Variants in CACNA1C observed in about 807,000 individuals in gnomAD.
CACNA1C encodes calcium voltage-gated channel subunit alpha1 C.
CACNA1C carries 30 observed loss-of-function variants against 229.0 expected under a neutral mutation model. That is an observed-to-expected ratio of 0.13 (90% CI 0.10 to 0.18). The LOEUF (loss-of-function observed/expected upper bound fraction) is 0.18. Ranked by LOEUF, CACNA1C falls within the 10% of genes least tolerant of loss-of-function variation. The probability of loss-of-function intolerance (pLI) is 1.00; values close to 1 mark genes in which losing one functional copy is unlikely to be tolerated. For synonymous variants in CACNA1C, 1,114 were observed against 1,132.5 expected (o/e 0.98, Z 0.33); for missense variants, 1,658 against 2,845.0 (o/e 0.58, Z 9.49).
chr12:2,004,414 T>A (rs371488846), intron 1 of CACNA1C: 57 of 1,610,474 alleles, frequency 3.5e-5, no homozygotes, highest in East Asian at 6.7e-5. Context: ...CCAGGCCGCC[T>A]GCCGCCACGG....
rs373996684 is a variant in CACNA1C, at chr12:2,679,495, C to T, written c.5143C>T (p.Arg1715Trp). The change falls in exon 42 of 47, where the codon CGG becomes TGG. Residue 1715 changes from arginine (R) to tryptophan (W), a missense_variant. By Grantham distance (101) the Arg-to-Trp change is moderately radical. This residue lies in a region of CACNA1C where 590 missense variants were observed against 700.8 expected (regional missense o/e 0.84). Coordinates refer to ENST00000399655, the MANE Select transcript of CACNA1C (RefSeq NM_000719.7). The surrounding 1 kb of genome is among the most constrained non-coding windows in gnomAD (Gnocchi z 5.5). Reference protein sequence around the residue: ...NHVSYYQSDGRSAFPQTFTTQ... With the variant: ...NHVSYYQSDGWSAFPQTFTTQ... ...CGTCAGCTACTACCAAAGCGACGGC[C>T]GGAGCGCCTTCCCCCAGACCTTCAC... 6 of 1,607,124 alleles carry T rather than the reference C, an allele frequency of 3.7e-6. No individual in the cohort carries two copies. The highest frequency in any genetic ancestry group is 1.3e-5 in the African/African-American group (1 of 74,720).
rs1272402276 is a variant in CACNA1C, at chr12:2,602,450, G to C, written c.2960+490G>C. Among the ~76,000 whole-genome samples, 5 of 152,046 alleles carry C rather than the reference G, an allele frequency of 3.3e-5. No homozygotes were observed. Among genetic ancestry groups the C allele is most frequent in the Non-Finnish European group, 7.4e-5 (5 of 67,982 alleles). ...AAGTGTGGGGTGTATGTGTGCACGT[G>C]TGTGGATGTGTGGGGTGTGTGTATA... On this transcript the variant is annotated intron_variant, in intron 22 of 46. Coordinates refer to ENST00000399655, the MANE Select transcript of CACNA1C (RefSeq NM_000719.7). The surrounding 1 kb of genome is among the most constrained non-coding windows in gnomAD (Gnocchi z 4.4).
intron 1 of CACNA1C, among the ~76,000 whole-genome samples, chr12:2,055,471 C>T (rs2054326807): frequency 6.6e-6 from 1 of 152,214 alleles, no homozygotes; most frequent in Admixed American, 6.5e-5. Flanking sequence ...TTTACAAGGT[C>T]TCCTCTTAGT....
At position 2,055,449 on chromosome 12, in the gene CACNA1C, A is replaced by C. The variant is rs2154507858; in HGVS notation, c.49+1838A>C. Among the ~76,000 whole-genome samples the C allele has an allele frequency of 1.3e-5, 2 of 152,324 alleles. 1 individual carries two copies. Among genetic ancestry groups the C allele is most frequent in the Middle Eastern group, 6.8e-3 (2 of 294 alleles). On this transcript the variant is annotated intron_variant, in intron 1 of 46. Transcript: ENST00000399655. ...TTATTCACCTTATTCACAGGATGAT[A>C]ATCTTAACTAGTTTACAAGGTCTCC...
At chr12:2,258,228 C>T (rs1323417471) in intron 3 of CACNA1C, among the ~76,000 whole-genome samples, 1 of 152,200 alleles carries the variant, frequency 6.6e-6, no homozygotes, top group Admixed American at 6.5e-5. Flanking sequence ...TTGAGGAATT[C>T]GCTTGTTTCC....
At chr12:2,008,533 C>G (rs1197575015) in intron 1 of CACNA1C, among the ~76,000 whole-genome samples, 1 of 150,134 alleles carries the variant, frequency 6.7e-6, no homozygotes, top group Non-Finnish European at 1.5e-5. Context: ...TCAATAAATG[C>G]TTATTCTTTT....
At chr12:2,613,234 C>G (rs1293261807) in intron 29 of CACNA1C, 1 of 152,164 alleles carries the variant, frequency 6.6e-6, no homozygotes, top group Non-Finnish European at 1.5e-5. Context: ...ACGTCATTCT[C>G]AAAACGTCCC....
chr12:2,386,614 T>C (rs1426256276), intron 3 of CACNA1C, among the ~76,000 whole-genome samples: 9 of 152,218 alleles, frequency 5.9e-5, no homozygotes, highest in African/African-American at 2.2e-4. Context: ...GCTCTTCCTA[T>C]ACCTCCTCCC....
At chr12:2,206,195 A>G (rs528677357) in intron 3 of CACNA1C, among the ~76,000 whole-genome samples, 2 of 152,262 alleles carry the variant, frequency 1.3e-5, no homozygotes, top group East Asian at 1.9e-4. Flanking sequence ...CGGCCCTTCT[A>G]AGGAGCTCCA....
In CACNA1C at chr12:2,669,035, G is replaced by A. The variant is rs1355868960; in HGVS notation, c.4726G>A (p.Gly1576Arg). 6.2e-7 allele frequency: 1 copy of A among 1,607,196 alleles called. No homozygotes were observed. ...VRTALRIKTE[G>R]NLEQANEELR... ...GACGGCCCTGAGGATCAAAACAGAA[G>A]GTAAGGTCGCCCGTGGGCACTGGGA... The change falls in exon 38 of 47, where the codon GGG (glycine) becomes AGG (arginine). Residue 1576 changes from glycine to arginine, a missense_variant and splice_region_variant. Physicochemically the swap from Gly to Arg is moderately radical, Grantham distance 125 (BLOSUM62 -2). Around this residue, in one of 20 missense-constraint regions of CACNA1C, gnomAD observed 151 missense variants for 344.4 expected, o/e 0.44. Transcript: ENST00000399655.
At chr12:2,257,436 C>T (rs552307156) in intron 3 of CACNA1C, among the ~76,000 whole-genome samples, 1 of 152,342 alleles carries the variant, frequency 6.6e-6, no homozygotes, top group African/African-American at 2.4e-5. Context: ...AATTGTTCCA[C>T]TTCAGATCAT....
chr12:2,217,444 T>TA (rs1301126958), intron 3 of CACNA1C: 2 of 152,232 alleles, frequency 1.3e-5, no homozygotes, highest in African/African-American at 2.4e-5. Context: ...TACCACAACC[T>TA]AAAAAATTAA....
In CACNA1C at chr12:2,578,546, G is replaced by A. The variant is rs543047729; in HGVS notation, c.1896-3044G>A. On this transcript the variant is annotated intron_variant, in intron 13 of 46. Transcript: ENST00000399655. ...TGGACATCAGCTGCCCGGAGCGGGG[G>A]TCCAGGCAGTGAGGATGAGGAGGCG... Among the ~76,000 whole-genome samples, 34 of 152,276 alleles carry A rather than the reference G, an allele frequency of 2.2e-4. No homozygotes were observed. In the East Asian group the frequency reaches 6.4e-3, roughly 29 times the overall value.
intron 43 of CACNA1C, among the ~76,000 whole-genome samples, chr12:2,684,405 T>C (rs950614343): frequency 6.6e-6 from 1 of 152,176 alleles, no homozygotes; most frequent in African/African-American, 2.4e-5. Context: ...ATGAGATAAC[T>C]GTCTCTAAAT....
intron 3 of CACNA1C, among the ~76,000 whole-genome samples, chr12:2,190,514 T>C (rs11062149): frequency 0.086 from 13,099 of 152,258 alleles, 1,843 homozygotes; most frequent in African/African-American, 0.3. Flanking sequence ...CATTCACTTA[T>C]TTATTCATTA....
intron 3 of CACNA1C, among the ~76,000 whole-genome samples, chr12:2,433,955 T>A (rs1253156791): frequency 2.0e-5 from 3 of 152,172 alleles, no homozygotes; most frequent in Non-Finnish European, 4.4e-5. Flanking sequence ...TAGTGGTGAT[T>A]TTTAAAAAAA....
At chr12:2,437,848 GAT>G (rs2099154271) in intron 3 of CACNA1C, among the ~76,000 whole-genome samples, 6 of 93,878 alleles carry the variant, frequency 6.4e-5, no homozygotes, top group Non-Finnish European at 1.1e-4. Context: ...TGATGGTGGT[GAT>G]GATGGTGGTG....
At chr12:2,337,848 CCTTCTCTGAAG>C (rs1050681904) in intron 3 of CACNA1C, among the ~76,000 whole-genome samples, 1 of 152,218 alleles carries the variant, frequency 6.6e-6, no homozygotes, top group Non-Finnish European at 1.5e-5. Flanking sequence ...CCCTTGGCCA[CCTTCTCTGAAG>C]CCTGTGGTGA....
At chr12:2,111,926 C>A (rs1308026459) in intron 1 of CACNA1C, among the ~76,000 whole-genome samples, 1 of 152,106 alleles carries the variant, frequency 6.6e-6, no homozygotes, top group Non-Finnish European at 1.5e-5. Flanking sequence ...ACGTGGAGAT[C>A]ATAGTAAACA....
Sources: gnomAD v4.1 joint callset for allele counts (sites outside exome capture counted in the v4.1 genomes callset) on GRCh38, gnomAD v4.1.1 for gene constraint, gnomAD v4.1.1 regional missense constraint, Gnocchi (gnomAD v3.1) non-coding constraint, MANE v1.5 for transcripts, NCBI Gene and HGNC (gene_info 2026-07-23, HGNC 2026-07-21) for gene names.